The following GCLC variants were observed in gnomAD, a reference collection of about 807,000 sequenced individuals.
GCLC encodes the protein glutamate--cysteine ligase catalytic subunit.
GCLC carries 30 observed loss-of-function variants against 81.5 expected under a neutral mutation model. That is an observed-to-expected ratio of 0.37 (90% CI 0.28 to 0.50). The LOEUF is 0.50. Among genes scored for constraint, GCLC ranks in the 20% least tolerant of loss-of-function variants. The probability of loss-of-function intolerance (pLI) is 0.96; values close to 1 mark genes in which losing one functional copy is unlikely to be tolerated. For missense variants in GCLC, 556 were observed against 777.4 expected (o/e 0.72, Z 3.39); for synonymous variants, 262 against 273.3 (o/e 0.96, Z 0.41).
chr6:53,501,510 C>T (rs1004088846), intron 12 of GCLC, among the ~76,000 whole-genome samples: 7 of 152,266 alleles, frequency 4.6e-5, no homozygotes, highest in African/African-American at 1.7e-4. Flanking sequence ...AGTAGTAATC[C>T]CTTATTTTCT....
Position 53,517,070 on chromosome 6 carries a change from T to TA in GCLC, c.447-849dup, listed in dbSNP as rs1321788605. ...AGGATCAAGACTAGCTCATATCTTT[T>TA]AAAAAAAAATTTTTTTTTTTTTTTT... On this transcript the variant is annotated intron_variant, in intron 3 of 15. Transcript: ENST00000650454. Among the ~76,000 whole-genome samples the TA allele has an allele frequency of 6.0e-3, 783 of 130,836 alleles. 17 individuals are homozygous for TA. Among genetic ancestry groups the TA allele is most frequent in the South Asian group, 0.012 (44 of 3,822 alleles). The allele number at this position is 130,836 out of a possible 152,430, so 85.8% of individuals were successfully genotyped here. A position where few individuals can be genotyped will look rare whatever the true frequency, so the allele number is the denominator to read the frequency against.
intron 6 of GCLC, among the ~76,000 whole-genome samples, chr6:53,512,433 T>C (rs1478068052): frequency 6.6e-6 from 1 of 152,008 alleles, no homozygotes; most frequent in Non-Finnish European, 1.5e-5. Flanking sequence ...TGATACATAA[T>C]AGATGTACAC....
chr6:53,517,111 G>C (rs1221973625), intron 3 of GCLC, among the ~76,000 whole-genome samples: 1 of 130,470 alleles, frequency 7.7e-6, no homozygotes, highest in Non-Finnish European at 1.6e-5. Context: ...TTCTGAGAAA[G>C]GGTCTTGCTC....
intron 1 of GCLC, among the ~76,000 whole-genome samples, chr6:53,538,787 G>A (rs1221014067): frequency 6.6e-6 from 1 of 152,138 alleles, no homozygotes; most frequent in African/African-American, 2.4e-5. Context: ...CTAACTAGAG[G>A]ACAATTTACC....
At chr6:53,542,727 AGCACAGGGCCCG>A (rs1215413369) in intron 1 of GCLC, among the ~76,000 whole-genome samples, 1 of 152,240 alleles carries the variant, frequency 6.6e-6, no homozygotes, top group Non-Finnish European at 1.5e-5. Flanking sequence ...TGTCAAAAGC[AGCACAGGGCCCG>A]GCACATTGGC....
chr6:53,531,097 C>G (rs2127628614), intron 1 of GCLC, among the ~76,000 whole-genome samples: 1 of 152,220 alleles, frequency 6.6e-6, no homozygotes, highest in Non-Finnish European at 1.5e-5. Context: ...TAAAACAATG[C>G]ATGTAAAGTG....
In GCLC at chr6:53,544,979, GC is replaced by G. The variant is rs990211238; in HGVS notation, c.-335del. The stretch of plus-strand genomic sequence containing the variant: ...CGGCGGCGGCGGACCCCACGGCCGC[GC>G]TGCCGCGGCGGCTCCCGCTTCTCTT... On this transcript the variant is annotated 5_prime_UTR_variant, in exon 1 of 16. Transcript: ENST00000650454. 1 of 191,652 alleles carries G rather than the reference GC, an allele frequency of 5.2e-6. No homozygotes were observed. The highest frequency in any genetic ancestry group is 2.3e-5 in the African/African-American group (1 of 42,826). The allele number at this position is 191,652 out of a possible 1,614,324, so 11.9% of individuals were successfully genotyped here.
At chr6:53,527,496 C>A (rs963242031) in intron 1 of GCLC, among the ~76,000 whole-genome samples, 2 of 152,140 alleles carry the variant, frequency 1.3e-5, no homozygotes, top group Non-Finnish European at 2.9e-5. Context: ...CTGCCCCCCA[C>A]CCCCAGCACT....
At chr6:53,499,521 T>C (rs1362967530) in intron 15 of GCLC, among the ~76,000 whole-genome samples, 1 of 152,160 alleles carries the variant, frequency 6.6e-6, no homozygotes, top group Non-Finnish European at 1.5e-5. Flanking sequence ...ACAGATGCCA[T>C]TACCATTATT....
intron 6 of GCLC, 70 bp from the exon 7 acceptor site, chr6:53,509,320 G>A (rs1322905608): frequency 2.2e-6 from 2 of 922,426 alleles, no homozygotes; most frequent in Admixed American, 1.7e-5. Flanking sequence ...TGAAGTCAGA[G>A]AAGGAAGGTG....
intron 4 of GCLC, 150 bp from the exon 5 acceptor site, chr6:53,514,647 G>A: frequency 2.8e-6 from 2 of 724,688 alleles, no homozygotes; most frequent in Admixed American, 2.0e-5. Context: ...GTGGTGTCAA[G>A]ACACTACAAG....
intron 1 of GCLC, among the ~76,000 whole-genome samples, chr6:53,542,741 C>G (rs116238232): frequency 1.6e-3 from 248 of 152,234 alleles, no homozygotes; most frequent in African/African-American, 4.8e-3. Context: ...CAGGGCCCGG[C>G]ACATTGGCTC....
At chr6:53,542,629 C>T (rs1321019461) in intron 1 of GCLC, among the ~76,000 whole-genome samples, 1 of 152,130 alleles carries the variant, frequency 6.6e-6, no homozygotes, top group Non-Finnish European at 1.5e-5. Context: ...TCCAACTGTG[C>T]TGCAAATTTC....
chr6:53,510,540 T>G (rs1399824866), intron 6 of GCLC: 1 of 152,226 alleles, frequency 6.6e-6, no homozygotes. Flanking sequence ...TAACTGCAAG[T>G]TGGGAACAGT....
At chr6:53,540,053 C>T (rs1046951766) in intron 1 of GCLC, among the ~76,000 whole-genome samples, 1 of 152,202 alleles carries the variant, frequency 6.6e-6, no homozygotes, top group Admixed American at 6.5e-5. Flanking sequence ...AATTTACATG[C>T]AATCCAATGC....
At chr6:53,541,698 C>T (rs1473294895) in intron 1 of GCLC, among the ~76,000 whole-genome samples, 2 of 152,026 alleles carry the variant, frequency 1.3e-5, no homozygotes, top group African/African-American at 4.8e-5. Flanking sequence ...CAGTAAAATG[C>T]TGGTAAAAGC....
chr6:53,509,528 CA>C, intron 6 of GCLC: 1 of 535,494 alleles, frequency 1.9e-6, no homozygotes, highest in East Asian at 3.3e-5. Context: ...AAATAAGACA[CA>C]GACATACGAT....
At chr6:53,532,897 A>G (rs1763196975) in intron 1 of GCLC, among the ~76,000 whole-genome samples, 1 of 152,248 alleles carries the variant, frequency 6.6e-6, no homozygotes, top group African/African-American at 2.4e-5. Flanking sequence ...ACCATAAAAC[A>G]GACACAAAAA....
At position 53,497,921 on chromosome 6, in the gene GCLC, A is replaced by C. The variant is rs550717773; in HGVS notation, c.*835T>G. ...TCAGAATAACAGGCCACAAGAGAAGAACGCCATTTTTGACAATATCCTTTG... is the reference window on the plus strand; with the variant it reads ...TCAGAATAACAGGCCACAAGAGAAGCACGCCATTTTTGACAATATCCTTTG... On this transcript the variant is annotated 3_prime_UTR_variant, in exon 16 of 16. Coordinates refer to ENST00000650454, the MANE Select transcript of GCLC (RefSeq NM_001498.4). The C allele has an allele frequency of 6.6e-6, 1 of 152,554 alleles. No homozygotes were observed. The highest frequency in any genetic ancestry group is 1.9e-4 in the East Asian group (1 of 5,180). 9.5% of individuals were successfully genotyped at this position (152,554 alleles called of 1,614,324 possible). A position where few individuals can be genotyped will look rare whatever the true frequency, so the allele number is the denominator to read the frequency against.
Sources: allele counts gnomAD v4.1 joint callset (sites outside exome capture counted in the v4.1 genomes callset), GRCh38; gene constraint gnomAD v4.1.1; transcripts MANE v1.5; gene names NCBI Gene and HGNC (gene_info 2026-07-23, HGNC 2026-07-21).